COL4A6: variants seen among roughly 807,000 people sequenced by gnomAD.
COL4A6 encodes the protein collagen type IV alpha 6 chain.
A neutral mutation model predicts 126.7 loss-of-function variants in COL4A6; 59 were observed. The ratio of observed to expected loss-of-function variants is 0.47; its 90% CI spans 0.38 to 0.58. The LOEUF (loss-of-function observed/expected upper bound fraction) is 0.58. Ranked by LOEUF, COL4A6 falls within the 20% of genes least tolerant of loss-of-function variation. The pLI is 0.00. For synonymous variants in COL4A6, 547 were observed against 496.6 expected, an observed-to-expected ratio of 1.10 and a Z score of -1.35; for missense variants, 1,285 against 1,337.3, an observed-to-expected ratio of 0.96 and a Z score of 0.61.
intron 2 of COL4A6, among the ~76,000 whole-genome samples, chrX:108,382,064 T>C (rs1477414760): frequency 8.9e-6 from 1 of 112,105 alleles, no homozygotes; most frequent in Non-Finnish European, 1.9e-5. Flanking sequence ...AACAGCAGTA[T>C]CTTCACTGGT....
At chrX:108,167,035 T>A (rs2148069015) in intron 37 of COL4A6, among the ~76,000 whole-genome samples, 1 of 112,053 alleles carries the variant, frequency 8.9e-6, no homozygotes, top group Non-Finnish European at 1.9e-5. Context: ...TTTTTCTCCC[T>A]TTACCTGTTT....
At chrX:108,390,229 G>T (rs766875956) in intron 2 of COL4A6, among the ~76,000 whole-genome samples, 3 of 110,815 alleles carry the variant, frequency 2.7e-5, no homozygotes, top group Non-Finnish European at 1.9e-5. Context: ...TTCTGGAGGA[G>T]TATTTTTGTG....
At chrX:108,159,987 T>G in intron 43 of COL4A6, 3 of 454,417 alleles carry the variant, frequency 6.6e-6, no homozygotes, top group Non-Finnish European at 1.2e-5. Flanking sequence ...CTAATTAATC[T>G]GCTTTGAAAG....
intron 4 of COL4A6, 44 bp from the exon 5 acceptor site, chrX:108,219,786 T>TGAGTCTAACAAACATCAGTTG: frequency 9.3e-7 from 1 of 1,080,029 alleles, no homozygotes; most frequent in Non-Finnish European, 1.3e-6. Context: ...ACAATCCAAC[T>TGAGTCTAACAAACATCAGTTG]GATGTTTGTT....
At chrX:108,362,020 T>C (rs2040096082) in intron 2 of COL4A6, among the ~76,000 whole-genome samples, 1 of 111,351 alleles carries the variant, frequency 9.0e-6, no homozygotes, top group Admixed American at 9.6e-5. Context: ...GACAAGTCAT[T>C]TGGCATCTCT....
intron 2 of COL4A6, among the ~76,000 whole-genome samples, chrX:108,427,886 C>G (rs182514226): frequency 1.8e-5 from 2 of 112,143 alleles, no homozygotes; most frequent in East Asian, 2.8e-4. Context: ...TTAGATAAAT[C>G]AGTTAATCTC....
intron 3 of COL4A6, among the ~76,000 whole-genome samples, chrX:108,282,895 G>T (rs2037884430): frequency 9.4e-6 from 1 of 106,164 alleles, no homozygotes; most frequent in South Asian, 4.4e-4. Context: ...ACTATCGCAA[G>T]AACATAAAAC....
Position 108,157,190 on chromosome X carries a change from C to A in COL4A6, c.4883G>T (p.Arg1628Leu). 1 of 1,211,812 alleles carries A rather than the reference C, an allele frequency of 8.3e-7. No individual in the cohort carries two copies. The highest frequency in any genetic ancestry group is 1.1e-6 in the Non-Finnish European group (1 of 895,488). Residue 1628 changes from arginine (R) to leucine (L), a missense_variant, in exon 45 of 45, where the codon CGG (arginine) becomes CTG (leucine). Physicochemically the swap from Arg to Leu is moderately radical, Grantham distance 102 (BLOSUM62 -2). Coordinates refer to ENST00000334504, the MANE Select transcript of COL4A6 (RefSeq NM_033641.4). ...VSPGSCLEDF[R>L]ATPFIECSGA... ...ACTGCATTCGATGAAAGGAGTGGCC[C>A]GAAAGTCCTCTAGGCAGGAGCCAGG...
chrX:108,283,486 G>C (rs1263307254), intron 3 of COL4A6, among the ~76,000 whole-genome samples: 1 of 111,580 alleles, frequency 9.0e-6, no homozygotes, highest in Non-Finnish European at 1.9e-5. Flanking sequence ...GTAAGTACTT[G>C]CTATGTTCCT....
intron 2 of COL4A6, among the ~76,000 whole-genome samples, chrX:108,374,061 C>A (rs754957893): frequency 8.9e-6 from 1 of 112,398 alleles, no homozygotes; most frequent in East Asian, 2.8e-4. Flanking sequence ...GTTAATTAGC[C>A]CTTAGCAAAG....
intron 3 of COL4A6, among the ~76,000 whole-genome samples, chrX:108,247,746 A>T (rs1169392978): frequency 5.4e-5 from 6 of 111,285 alleles, no homozygotes; most frequent in Non-Finnish European, 9.4e-5. Flanking sequence ...CCCTGCTTCT[A>T]CTTTTTGTCC....
intron 3 of COL4A6, among the ~76,000 whole-genome samples, chrX:108,266,954 G>T (rs1440616092): frequency 9.0e-6 from 1 of 111,619 alleles, no homozygotes; most frequent in Admixed American, 9.5e-5. Flanking sequence ...TCACAAACCT[G>T]GGCTTAAAAC....
intron 2 of COL4A6, among the ~76,000 whole-genome samples, chrX:108,359,277 A>G (rs746460967): frequency 1.8e-5 from 2 of 112,395 alleles, no homozygotes; most frequent in Non-Finnish European, 3.8e-5. Context: ...TTGAGGGCCA[A>G]AGAATAAGTA....
chrX:108,401,768 C>G (rs995895362), intron 2 of COL4A6, among the ~76,000 whole-genome samples: 17 of 111,361 alleles, frequency 1.5e-4, no homozygotes, highest in Non-Finnish European at 1.7e-4. Flanking sequence ...CTAAAACTCA[C>G]AGCTTATTGC....
chrX:108,176,391 A>G (rs1269157135), intron 28 of COL4A6, among the ~76,000 whole-genome samples: 2 of 108,918 alleles, frequency 1.8e-5, no homozygotes, highest in Non-Finnish European at 3.8e-5. Context: ...AAAAAAAAAA[A>G]GCCTAGGGCC....
chrX:108,410,671 C>T (rs767436898), intron 2 of COL4A6, among the ~76,000 whole-genome samples: 8 of 110,802 alleles, frequency 7.2e-5, no homozygotes, highest in Non-Finnish European at 1.1e-4. Flanking sequence ...ATGTTATGGC[C>T]GTAAGAACAT....
intron 7 of COL4A6, among the ~76,000 whole-genome samples, chrX:108,210,390 G>A (rs184197793): frequency 2.2e-4 from 25 of 112,019 alleles, no homozygotes; most frequent in Admixed American, 2.1e-3. Flanking sequence ...CAAAGATTCT[G>A]TGCCCATATG....
At position 108,204,401 on chromosome X, in the gene COL4A6, G is replaced by A; in HGVS notation, c.699C>T (p.Gly233=). 1 of 1,203,156 alleles carries A rather than the reference G, an allele frequency of 8.3e-7. No homozygotes were observed. The highest frequency in any genetic ancestry group is 1.7e-5 in the African/African-American group (1 of 57,674). The change falls in exon 12 of 45, where the codon GGC becomes GGT. Residue 233 remains glycine, a synonymous_variant. Coordinates refer to ENST00000334504, the MANE Select transcript of COL4A6 (RefSeq NM_033641.4). ...QGEKGVKGDV[G]LPGPAGPPPS... ...GTGGAGGTCCTGCTGGGCCAGGGAG[G>A]CCAACATCCCCCTGTAAGATCAAAT...
In COL4A6 at chrX:108,176,897, T is replaced by C; in HGVS notation, c.2630A>G (p.Lys877Arg). 1 of 1,211,704 alleles carries C rather than the reference T, an allele frequency of 8.3e-7. No individual in the cohort carries two copies. Reference protein sequence around the residue: ...LPGNPGLVGLKGSPGSPGVAG... With the variant: ...LPGNPGLVGLRGSPGSPGVAG... ...GACCCCTGGAGAGCCTGGGCTTCCT[T>C]TCAGTCCTACTAGGCCTGGATTTCC... Residue 877 changes from lysine to arginine, a missense_variant, in exon 28 of 45, where the codon AAA (lysine) becomes AGA (arginine). Transcript: ENST00000334504.
Sources: allele counts gnomAD v4.1 joint callset (sites outside exome capture counted in the v4.1 genomes callset), GRCh38; gene constraint gnomAD v4.1.1; transcripts MANE v1.5; gene names NCBI Gene and HGNC (gene_info 2026-07-23, HGNC 2026-07-21).